TUSC3: variants seen among roughly 807,000 people sequenced by gnomAD.
TUSC3 encodes the protein tumor suppressor candidate 3.
In TUSC3, 45 loss-of-function variants were observed where a neutral mutation model predicts 44.8. The observed-to-expected ratio is 1.00, with a 90% CI of 0.79 to 1.29. The LOEUF (loss-of-function observed/expected upper bound fraction) is 1.29, where lower values mean the gene tolerates loss of function less well. Ranked by LOEUF, TUSC3 falls within the 50% of genes most tolerant of loss-of-function variation. The pLI, the probability that TUSC3 is intolerant of heterozygous loss-of-function variation, is 0.00. For missense variants in TUSC3, 519 were observed against 437.9 expected (o/e 1.19, Z -1.65); for synonymous variants, 212 against 152.9 (o/e 1.39, Z -2.85).
At chr8:15,830,219 A>C in the TUSC3 span, among the ~76,000 whole-genome samples, 1 of 151,946 alleles carries the variant, frequency 6.6e-6, no homozygotes. Context: ...ATAGTTTGTA[A>C]ATATTTTCCC....
chr8:15,443,106 C>T (rs1187116964), intron 1 of TUSC3, among the ~76,000 whole-genome samples: 2 of 152,092 alleles, frequency 1.3e-5, no homozygotes, highest in African/African-American at 2.4e-5. Context: ...AGTCTCTCTC[C>T]CCTACTGTAG....
At chr8:15,460,036 C>A (rs1333198975) in intron 1 of TUSC3, among the ~76,000 whole-genome samples, 2 of 152,058 alleles carry the variant, frequency 1.3e-5, no homozygotes, top group East Asian at 3.9e-4. Flanking sequence ...AACTTATTTT[C>A]CTCTGAGTAG....
At chr8:15,664,758 C>T (rs1347161319) in intron 5 of TUSC3, among the ~76,000 whole-genome samples, 1 of 149,192 alleles carries the variant, frequency 6.7e-6, no homozygotes, top group Admixed American at 6.7e-5. Context: ...TTTGGCAACT[C>T]CTTAAATCAT....
intron 1 of TUSC3, among the ~76,000 whole-genome samples, chr8:15,590,564 G>C (rs1803785806): frequency 6.6e-6 from 1 of 152,134 alleles, no homozygotes; most frequent in African/African-American, 2.4e-5. Context: ...AGAATAGAAG[G>C]AATTTCCCTG....
At position 15,575,413 on chromosome 8, in the gene TUSC3, A is replaced by G. The variant is rs372302616; in HGVS notation, c.138+34845A>G. On this transcript the variant is annotated intron_variant, in intron 1 of 10. Coordinates refer to ENST00000503731, the MANE Select transcript of TUSC3 (RefSeq NM_006765.4). ...ATTTAAATATTAAACTAAATATCTAACATATGTGTGTACATTCATTGCTTC... is the reference window on the plus strand; with the variant it reads ...ATTTAAATATTAAACTAAATATCTAGCATATGTGTGTACATTCATTGCTTC... Among the ~76,000 whole-genome samples the G allele has an allele frequency of 2.0e-4, 30 of 152,252 alleles. 1 individual carries two copies. The highest frequency in any genetic ancestry group is 9.2e-4 in the Admixed American group (14 of 15,284).
At chr8:15,817,835 G>A in the TUSC3 span, among the ~76,000 whole-genome samples, 1 of 152,136 alleles carries the variant, frequency 6.6e-6, no homozygotes, top group African/African-American at 2.4e-5. Flanking sequence ...CAAACTATGT[G>A]TCACGATATG....
chr8:15,749,440 C>A (rs142499574), intron 9 of TUSC3, among the ~76,000 whole-genome samples: 32 of 152,098 alleles, frequency 2.1e-4, no homozygotes, highest in African/African-American at 7.2e-4. Context: ...GCCCCACCCC[C>A]TCTATTTTCA....
chr8:15,639,950 G>A (rs1806288132), intron 2 of TUSC3, among the ~76,000 whole-genome samples: 1 of 152,108 alleles, frequency 6.6e-6, no homozygotes, highest in South Asian at 2.1e-4. Context: ...ATTATCATGT[G>A]CCCATGCAGA....
At chr8:15,515,082 A>C (rs1411717817) in intron 2 of TUSC3, among the ~76,000 whole-genome samples, 1 of 152,152 alleles carries the variant, frequency 6.6e-6, no homozygotes, top group African/African-American at 2.4e-5. Context: ...AGAATTGGCT[A>C]TCTCTAAGCC....
rs1330007130 is a variant in TUSC3 at position 15,687,005 on chromosome 8, G to T, written c.798+13169G>T. On this transcript the variant is annotated intron_variant, in intron 6 of 10. Transcript: ENST00000503731. ...GGAGAATGGCCTGAACCCGGGAGGC[G>T]GAGCTTGCAGTGAGCCGAGATCGTG... Among the ~76,000 whole-genome samples, 3 of 152,182 alleles carry T rather than the reference G, an allele frequency of 2.0e-5. No individual in the cohort carries two copies. The East Asian group carries it at 5.8e-4, about 30-fold the overall frequency.
At chr8:15,669,134 G>A (rs1200660519) in intron 5 of TUSC3, among the ~76,000 whole-genome samples, 1 of 151,712 alleles carries the variant, frequency 6.6e-6, no homozygotes, top group African/African-American at 2.4e-5. Context: ...AGATTAGGGT[G>A]ATAACACATC....
intron 2 of TUSC3, among the ~76,000 whole-genome samples, chr8:15,523,650 A>ATGTG (rs1433556622): frequency 2.3e-5 from 1 of 44,094 alleles, no homozygotes. Flanking sequence ...ATATATATAT[A>ATGTG]TATATATATA....
intron 5 of TUSC3, among the ~76,000 whole-genome samples, chr8:15,663,491 G>T (rs1332244481): frequency 1.3e-5 from 2 of 151,804 alleles, no homozygotes; most frequent in Non-Finnish European, 1.5e-5. Context: ...TGATAGGACA[G>T]ACTGAGAAGC....
At chr8:15,705,146 C>T (rs191279823) in intron 6 of TUSC3, among the ~76,000 whole-genome samples, 29 of 150,982 alleles carry the variant, frequency 1.9e-4, no homozygotes, top group African/African-American at 5.1e-4. Flanking sequence ...ACCTTCTTAA[C>T]GGCAGGAATT....
At chr8:15,544,649 A>G (rs1801804257) in intron 1 of TUSC3, among the ~76,000 whole-genome samples, 1 of 151,802 alleles carries the variant, frequency 6.6e-6, no homozygotes, top group South Asian at 2.1e-4. Context: ...TGAAACAGAG[A>G]CTTTACTATC....
chr8:15,457,386 T>G (rs575878369), intron 1 of TUSC3, among the ~76,000 whole-genome samples: 2 of 151,662 alleles, frequency 1.3e-5, no homozygotes, highest in Non-Finnish European at 1.5e-5. Context: ...GAAAAACATA[T>G]GGCCAATAAT....
chr8:15,768,606 AAAG>A (rs777565336), downstream of TUSC3, among the ~76,000 whole-genome samples: 1 of 152,146 alleles, frequency 6.6e-6, no homozygotes, highest in Non-Finnish European at 1.5e-5. Context: ...GAATATCAGT[AAAG>A]AGATAAAAAT....
chr8:15,513,385 T>C (rs975738159), intron 2 of TUSC3, among the ~76,000 whole-genome samples: 5 of 152,338 alleles, frequency 3.3e-5, no homozygotes, highest in Middle Eastern at 3.4e-3. Flanking sequence ...TTTCATTTTA[T>C]CTTTCCTAGG....
At chr8:15,681,572 T>C (rs1808433181) in intron 6 of TUSC3, among the ~76,000 whole-genome samples, 1 of 145,786 alleles carries the variant, frequency 6.9e-6, no homozygotes, top group African/African-American at 2.5e-5. Context: ...TTTTTTTTTC[T>C]TTATTAGCCA....
Sources: allele counts gnomAD v4.1 joint callset (sites outside exome capture counted in the v4.1 genomes callset), GRCh38; gene constraint gnomAD v4.1.1; transcripts MANE v1.5; gene names NCBI Gene and HGNC (gene_info 2026-07-23, HGNC 2026-07-21).